SCARB1: variants seen among roughly 807,000 people sequenced by gnomAD.
SCARB1 encodes the protein scavenger receptor class B member 1.
A neutral mutation model predicts 57.2 loss-of-function variants in SCARB1; 30 were observed. The ratio of observed to expected loss-of-function variants is 0.52; its 90% CI spans 0.39 to 0.71. The LOEUF is 0.71. SCARB1 is among the 30% of genes least tolerant of loss of function. The probability of loss-of-function intolerance (pLI) is 0.00; values close to 1 mark genes in which losing one functional copy is unlikely to be tolerated. For synonymous variants in SCARB1, 249 were observed against 268.3 expected (o/e 0.93, Z 0.70); for missense variants, 543 against 671.2 (o/e 0.81, Z 2.11).
At chr12:124,799,353 C>T (rs749951577) in intron 8 of SCARB1, among the ~76,000 whole-genome samples, 10 of 152,064 alleles carry the variant, frequency 6.6e-5, no homozygotes, top group South Asian at 2.1e-4. Flanking sequence ...GGCAAAACCG[C>T]GTCTCTACAA....
At chr12:124,829,778 C>A (rs1951314654) in intron 1 of SCARB1, among the ~76,000 whole-genome samples, 1 of 152,244 alleles carries the variant, frequency 6.6e-6, no homozygotes, top group Non-Finnish European at 1.5e-5. Context: ...CACTGTATGG[C>A]AGGCTCTGCT....
chr12:124,778,804 C>T (rs1872798369), intron 12 of SCARB1, among the ~76,000 whole-genome samples: 1 of 152,140 alleles, frequency 6.6e-6, no homozygotes, highest in African/African-American at 2.4e-5. Flanking sequence ...CCTCCCCGAC[C>T]TCCTTTAGAG....
chr12:124,862,009 T>C (rs973204168), intron 1 of SCARB1, among the ~76,000 whole-genome samples: 2 of 134,586 alleles, frequency 1.5e-5, no homozygotes, highest in African/African-American at 5.6e-5. Flanking sequence ...CACACTCCCA[T>C]AGCAAGAGAC....
chr12:124,811,519 C>T (rs1460896810), intron 5 of SCARB1, among the ~76,000 whole-genome samples: 1 of 152,186 alleles, frequency 6.6e-6, no homozygotes, highest in Non-Finnish European at 1.5e-5. Context: ...GTGATCCCCC[C>T]CACCTCGGCC....
intron 11 of SCARB1, chr12:124,785,145 C>T (rs1052366363): frequency 5.2e-5 from 8 of 152,626 alleles, no homozygotes; most frequent in South Asian, 4.1e-4. Flanking sequence ...GACTTCCTCA[C>T]GCACTGGGGC....
At chr12:124,849,129 G>C (rs1952288851) in intron 1 of SCARB1, among the ~76,000 whole-genome samples, 1 of 152,258 alleles carries the variant, frequency 6.6e-6, no homozygotes. Context: ...GGCCAAGCCA[G>C]GATTTGAACC....
intron 1 of SCARB1, among the ~76,000 whole-genome samples, chr12:124,850,362 G>C (rs1318321737): frequency 6.6e-6 from 1 of 151,242 alleles, no homozygotes; most frequent in Non-Finnish European, 1.5e-5. Flanking sequence ...GACAGACTGA[G>C]ACCATGTCTC....
At chr12:124,850,878 C>T (rs539728888) in intron 1 of SCARB1, among the ~76,000 whole-genome samples, 1 of 152,228 alleles carries the variant, frequency 6.6e-6, no homozygotes, top group African/African-American at 2.4e-5. Context: ...TTTTTGCTGC[C>T]TATGGCCGCC....
Position 124,817,291 on chromosome 12 carries a change from G to A in SCARB1, c.284+259C>T, listed in dbSNP as rs528946597. On this transcript the variant is annotated intron_variant, in intron 2 of 12. Transcript: ENST00000261693. The surrounding 1 kb of genome is among the most constrained non-coding windows in gnomAD (Gnocchi z 4.8). ...TCCCAGCACTTTGAGAGGCTGAGGC[G>A]GAGGATCGCTTGAGCCCAGGACTTC... Among the ~76,000 whole-genome samples the A allele has an allele frequency of 7.4e-5, 11 of 149,250 alleles. No individual in the cohort carries two copies. Among genetic ancestry groups the A allele is most frequent in the Non-Finnish European group, 7.4e-5 (5 of 67,482 alleles).
intron 7 of SCARB1, among the ~76,000 whole-genome samples, chr12:124,803,615 CTTCTTTGT>C (rs1213292302): frequency 7.7e-6 from 1 of 130,242 alleles, no homozygotes; most frequent in Non-Finnish European, 1.5e-5. Context: ...CATCTGGGAA[CTTCTTTGT>C]ATCTATGTAT....
rs901157682 is a variant in SCARB1 at position 124,789,485 on chromosome 12, A to G, written c.1203-2028T>C. On this transcript the variant is annotated intron_variant, in intron 9 of 12. Transcript: ENST00000261693. The surrounding 1 kb of genome is among the most constrained non-coding windows in gnomAD (Gnocchi z 4.4). The stretch of plus-strand genomic sequence containing the variant: ...GGACCGTGCAGACATGACTGCATCA[A>G]GGCTCTCAGATGGGGAGAGCGTCCT... Among the ~76,000 whole-genome samples the G allele has an allele frequency of 1.3e-5, 2 of 152,152 alleles. No homozygotes were observed. Among genetic ancestry groups the G allele is most frequent in the Non-Finnish European group, 2.9e-5 (2 of 68,022 alleles).
rs3043265 is a variant in SCARB1, at chr12:124,794,400, CT to C, written c.1202+794del. ...AGAGGAAATCAGTGCTTGAAAAATT[CT>C]TTTTTTTTTTTTTTTTTGAGACGGA... On this transcript the variant is annotated intron_variant, in intron 9 of 12. Transcript: ENST00000261693. Among the ~76,000 whole-genome samples the C allele has an allele frequency of 4.1e-3, 489 of 119,864 alleles. 3 individuals are homozygous for C. The highest frequency in any genetic ancestry group is 0.013 in the African/African-American group (407 of 30,180). The allele number at this position is 119,864 out of a possible 152,430, so 78.6% of individuals were successfully genotyped here.
chr12:124,849,406 C>T (rs1001873419), intron 1 of SCARB1, among the ~76,000 whole-genome samples: 49 of 152,228 alleles, frequency 3.2e-4, no homozygotes, highest in Non-Finnish European at 3.8e-4. Flanking sequence ...GCACACCAGC[C>T]CTGATATCTC....
intron 1 of SCARB1, among the ~76,000 whole-genome samples, chr12:124,849,160 T>G (rs536936049): frequency 6.6e-6 from 1 of 152,304 alleles, no homozygotes; most frequent in South Asian, 2.1e-4. Flanking sequence ...GCCTTCAAAG[T>G]CCATATGCTG....
rs1399509036 is a variant in SCARB1 at position 124,786,214 on chromosome 12, C to T, written c.1401+143G>A. 2.5e-6 allele frequency: 4 copies of T among 1,597,710 alleles called. No individual in the cohort carries two copies. The South Asian group carries it at 4.4e-5, about 18-fold the overall frequency. On this transcript the variant is annotated intron_variant, in intron 11 of 12. Transcript: ENST00000261693. ...GCTGCGCAGCCCCCAGCAGTGACCG[C>T]TCCCACTCCGGCAGAGACGCAGGAC...
chr12:124,777,366 T>C lies in SCARB1; in HGVS notation c.*1221A>G, dbSNP rs1295080508. The C allele has an allele frequency of 6.6e-6, 1 of 152,216 alleles. No individual in the cohort carries two copies. The highest frequency in any genetic ancestry group is 1.5e-5 in the Non-Finnish European group (1 of 68,048). 9.4% of individuals were successfully genotyped at this position (152,216 alleles called of 1,614,324 possible). On this transcript the variant is annotated 3_prime_UTR_variant, in exon 13 of 13. Transcript: ENST00000261693. Reference sequence around the variant, plus strand: ...CCCATGCAAAAGTGGCAAAAGCGTCTGCACTGGGGGCTGTGGGATGGGACT... The same window carrying C: ...CCCATGCAAAAGTGGCAAAAGCGTCCGCACTGGGGGCTGTGGGATGGGACT...
chr12:124,782,579 G>C, intron 12 of SCARB1, 104 bp downstream of exon 12: 1 of 1,166,980 alleles, frequency 8.6e-7, no homozygotes, highest in Non-Finnish European at 1.2e-6. Context: ...TCCAGGTGAA[G>C]TTGAGGCTGA....
chr12:124,788,665 C>T (rs1032029039), intron 9 of SCARB1, among the ~76,000 whole-genome samples: 2 of 152,226 alleles, frequency 1.3e-5, no homozygotes, highest in African/African-American at 4.8e-5. Context: ...TGCCTCCAGA[C>T]ATCCTCTAAA....
intron 7 of SCARB1, among the ~76,000 whole-genome samples, chr12:124,802,336 G>A (rs1194223471): frequency 6.6e-6 from 1 of 152,132 alleles, no homozygotes; most frequent in African/African-American, 2.4e-5. Flanking sequence ...AACACCAAGA[G>A]ACCTTCTCCT....
Sources: allele counts gnomAD v4.1 joint callset (sites outside exome capture counted in the v4.1 genomes callset), GRCh38; gene constraint gnomAD v4.1.1; non-coding constraint Gnocchi (gnomAD v3.1); transcripts MANE v1.5; gene names NCBI Gene and HGNC (gene_info 2026-07-23, HGNC 2026-07-21).